The following RBM47 variants were observed in gnomAD, a reference collection of about 807,000 sequenced individuals.
The protein encoded by RBM47 is RNA-binding protein 47.
A neutral mutation model predicts 47.1 loss-of-function variants in RBM47; 21 were observed. That is an observed-to-expected ratio of 0.45 (90% CI 0.32 to 0.64). The LOEUF (loss-of-function observed/expected upper bound fraction) is 0.64, where lower values mean the gene tolerates loss of function less well. Ranked by LOEUF, RBM47 falls within the 30% of genes least tolerant of loss-of-function variation. The pLI, the probability that RBM47 is intolerant of heterozygous loss-of-function variation, is 0.05. For synonymous variants in RBM47, 375 were observed against 361.7 expected (o/e 1.04, Z -0.42); for missense variants, 708 against 870.9 (o/e 0.81, Z 2.35).
intron 1 of RBM47, among the ~76,000 whole-genome samples, chr4:40,626,806 G>GCACACAA (rs1737786423): frequency 2.0e-5 from 3 of 152,096 alleles, no homozygotes; most frequent in Non-Finnish European, 4.4e-5. Context: ...TTACCAACAG[G>GCACACAA]ATGATTCAGG....
chr4:40,480,562 A>G (rs1400580274), intron 2 of RBM47, among the ~76,000 whole-genome samples: 1 of 152,122 alleles, frequency 6.6e-6, no homozygotes, highest in Non-Finnish European at 1.5e-5. Context: ...GCATCTTTGG[A>G]GCTAAGTAGG....
chr4:40,481,476 TA>T (rs1219155773), intron 2 of RBM47, among the ~76,000 whole-genome samples: 111 of 133,162 alleles, frequency 8.3e-4, no homozygotes, highest in African/African-American at 2.5e-3. Context: ...TTATTATTAT[TA>T]TTATTATTAT....
At chr4:40,621,175 A>G (rs1288401408) in intron 1 of RBM47, among the ~76,000 whole-genome samples, 2 of 152,130 alleles carry the variant, frequency 1.3e-5, no homozygotes, top group Non-Finnish European at 1.5e-5. Flanking sequence ...ACTACCTTCA[A>G]GATGGTTTTA....
intron 2 of RBM47, among the ~76,000 whole-genome samples, chr4:40,523,653 G>GA (rs374751255): frequency 0.023 from 3,360 of 143,450 alleles, 135 homozygotes; most frequent in African/African-American, 0.079. Context: ...CTCCATCTAG[G>GA]AAAAAAAAAA....
intron 3 of RBM47, among the ~76,000 whole-genome samples, chr4:40,439,924 G>A (rs1713365012): frequency 6.6e-6 from 1 of 152,200 alleles, no homozygotes; most frequent in Admixed American, 6.5e-5. Context: ...CTTGCCACAT[G>A]TGGCTACTGA....
At chr4:40,552,399 AAAATAAATAAAT>A (rs139016282) in intron 1 of RBM47, among the ~76,000 whole-genome samples, 2 of 151,036 alleles carry the variant, frequency 1.3e-5, no homozygotes, top group Non-Finnish European at 2.9e-5. Flanking sequence ...CTCTGTCTCA[AAAATAAATAAAT>A]AAATAAATAA....
Position 40,434,002 on chromosome 4 carries a change from G to T in RBM47, c.1331-1140C>A, listed in dbSNP as rs867605549. 3.1e-4 allele frequency among the ~76,000 whole-genome samples: 14 copies of T among 45,706 alleles called. 4 individuals carry two copies. Among genetic ancestry groups the T allele is most frequent in the East Asian group, 2.6e-3 (5 of 1,888 alleles). The allele number at this position is 45,706 out of a possible 152,430, so 30.0% of individuals were successfully genotyped here. On this transcript the variant is annotated intron_variant, in intron 5 of 6. Transcript: ENST00000295971. ...TGTGAGTGTGTGTGTGTGGGGCGGG[G>T]GTGTGTGTGTGTGTGTGTGTGTGTG...
intron 1 of RBM47, among the ~76,000 whole-genome samples, chr4:40,583,059 A>C (rs572092447): frequency 1.3e-5 from 2 of 152,348 alleles, no homozygotes; most frequent in South Asian, 4.1e-4. Context: ...AGAGACAGGG[A>C]AAAGGAGCTT....
chr4:40,608,563 G>A (rs1735966934), intron 1 of RBM47, among the ~76,000 whole-genome samples: 1 of 152,196 alleles, frequency 6.6e-6, no homozygotes, highest in Non-Finnish European at 1.5e-5. Flanking sequence ...GTACGAAATA[G>A]CAATAAAAAG....
intron 1 of RBM47, among the ~76,000 whole-genome samples, chr4:40,551,869 GA>G (rs1729600262): frequency 6.6e-6 from 1 of 151,774 alleles, no homozygotes; most frequent in Non-Finnish European, 1.5e-5. Context: ...GGCTAGTCTC[GA>G]ACTCTTGACC....
intron 3 of RBM47, among the ~76,000 whole-genome samples, chr4:40,462,129 C>A (rs1320697874): frequency 1.3e-5 from 2 of 152,070 alleles, no homozygotes; most frequent in African/African-American, 4.8e-5. Context: ...CCGTCCAGTG[C>A]AGACATTTGA....
Position 40,597,060 on chromosome 4 carries a change from A to G in RBM47, c.-240+32336T>C, listed in dbSNP as rs1268038153. On this transcript the variant is annotated intron_variant, in intron 1 of 6. Transcript: ENST00000295971. Reference sequence around the variant, plus strand: ...CAGATCATGAGGTCAGGAGATTGACACCATCCTGGCTAACATGGTGAAACC... The same window carrying G: ...CAGATCATGAGGTCAGGAGATTGACGCCATCCTGGCTAACATGGTGAAACC... Among the ~76,000 whole-genome samples, 5 of 152,266 alleles carry G rather than the reference A, an allele frequency of 3.3e-5. No individual in the cohort carries two copies. The East Asian group carries it at 5.8e-4, about 18-fold the overall frequency.
At chr4:40,523,617 C>T (rs1328443638) in intron 2 of RBM47, among the ~76,000 whole-genome samples, 1 of 151,824 alleles carries the variant, frequency 6.6e-6, no homozygotes, top group Non-Finnish European at 1.5e-5. Context: ...CGCCATTGCA[C>T]TCCAGCCTGG....
At chr4:40,568,428 CAAAAAAA>C (rs35434439) in intron 1 of RBM47, among the ~76,000 whole-genome samples, 4 of 57,572 alleles carry the variant, frequency 6.9e-5, no homozygotes, top group Non-Finnish European at 1.3e-4. Context: ...AACCCTGTCT[CAAAAAAA>C]AAAAAAAAAA....
chr4:40,473,224 T>A (rs1577723641), intron 2 of RBM47, among the ~76,000 whole-genome samples: 2 of 152,292 alleles, frequency 1.3e-5, no homozygotes, highest in African/African-American at 4.8e-5. Flanking sequence ...TACAACCTCA[T>A]GAAGCAAGAT....
intron 1 of RBM47, among the ~76,000 whole-genome samples, chr4:40,585,571 T>G (rs1733497519): frequency 6.6e-6 from 1 of 152,224 alleles, no homozygotes; most frequent in Non-Finnish European, 1.5e-5. Flanking sequence ...CAGCCTTGAT[T>G]AGCCAGAGTA....
chr4:40,532,940 G>A (rs1577900917), intron 2 of RBM47, among the ~76,000 whole-genome samples: 1 of 152,116 alleles, frequency 6.6e-6, no homozygotes, highest in Admixed American at 6.6e-5. Context: ...ATTCTGAGCA[G>A]TGTTACAAAG....
chr4:40,547,389 C>T (rs1420714389), intron 1 of RBM47, among the ~76,000 whole-genome samples: 1 of 152,228 alleles, frequency 6.6e-6, no homozygotes, highest in Non-Finnish European at 1.5e-5. Flanking sequence ...ACAGACAACA[C>T]AGACCGAGGG....
chr4:40,619,831 G>A (rs368071191), intron 1 of RBM47, among the ~76,000 whole-genome samples: 16 of 152,140 alleles, frequency 1.1e-4, no homozygotes, highest in African/African-American at 1.9e-4. Context: ...CCCAGAGGGC[G>A]GAGAATCTTT....
Sources: allele counts gnomAD v4.1 joint callset (sites outside exome capture counted in the v4.1 genomes callset), GRCh38; gene constraint gnomAD v4.1.1; transcripts MANE v1.5; gene names NCBI Gene and HGNC (gene_info 2026-07-23, HGNC 2026-07-21).